The following TAOK1 variants were observed in gnomAD, a reference collection of about 807,000 sequenced individuals.
The protein encoded by TAOK1 is TAO kinase 1.
A neutral mutation model predicts 138.3 loss-of-function variants in TAOK1; 21 were observed. That is an observed-to-expected ratio of 0.15 (90% CI 0.11 to 0.22). The LOEUF (loss-of-function observed/expected upper bound fraction) is 0.22, where lower values mean the gene tolerates loss of function less well. Ranked by LOEUF, TAOK1 falls within the 10% of genes least tolerant of loss-of-function variation. The pLI is 1.00. For missense variants in TAOK1, 651 were observed against 1,227.7 expected, an observed-to-expected ratio of 0.53 and a Z score of 7.02; for synonymous variants, 361 against 398.4, an observed-to-expected ratio of 0.91 and a Z score of 1.12.
Position 29,501,298 on chromosome 17 carries a change from A to C in TAOK1, c.1204-1291A>C, listed in dbSNP as rs200776182. ...ATATGCCTGTGGCCCCATCTACTCA[A>C]GAGGCTGAGTAGTGGAGGCACACTG... is the stretch of plus-strand genomic sequence containing the variant. On this transcript the variant is annotated intron_variant, in intron 12 of 19. Coordinates refer to ENST00000261716, the MANE Select transcript of TAOK1 (RefSeq NM_020791.4). Among the ~76,000 whole-genome samples the C allele has an allele frequency of 5.9e-5, 9 of 151,884 alleles. No individual in the cohort carries two copies. The East Asian group carries it at 1.5e-3, about 26-fold the overall frequency.
chr17:29,415,535 T>C (rs1905247770), intron 1 of TAOK1, among the ~76,000 whole-genome samples: 2 of 152,346 alleles, frequency 1.3e-5, no homozygotes, highest in South Asian at 2.1e-4. Context: ...TTTATAGCCA[T>C]CCTTGAGTGT....
intron 19 of TAOK1, among the ~76,000 whole-genome samples, chr17:29,537,370 AAC>A (rs1299977673): frequency 6.6e-6 from 1 of 152,004 alleles, no homozygotes; most frequent in African/African-American, 2.4e-5. Context: ...TTCAAGTGTC[AAC>A]AGAGACTCAC....
intron 1 of TAOK1, among the ~76,000 whole-genome samples, chr17:29,448,027 T>TTA (rs1190323818): frequency 1.3e-5 from 2 of 150,930 alleles, no homozygotes; most frequent in East Asian, 3.9e-4. Context: ...TATCTTTTTT[T>TTA]TTATTATTTT....
At chr17:29,439,552 C>G (rs1403347039) in intron 1 of TAOK1, among the ~76,000 whole-genome samples, 1 of 152,062 alleles carries the variant, frequency 6.6e-6, no homozygotes, top group Non-Finnish European at 1.5e-5. Flanking sequence ...GGGATTCAGT[C>G]AAAGGCCATA....
At chr17:29,437,872 A>G (rs1906085087) in intron 1 of TAOK1, among the ~76,000 whole-genome samples, 1 of 150,364 alleles carries the variant, frequency 6.7e-6, no homozygotes. Context: ...AGCTGGGATT[A>G]CAGGTGCCCA....
At chr17:29,438,638 C>A (rs1410046150) in intron 1 of TAOK1, among the ~76,000 whole-genome samples, 1 of 152,100 alleles carries the variant, frequency 6.6e-6, no homozygotes, top group East Asian at 1.9e-4. Context: ...GCAGTGAGAT[C>A]GTGGCACTGC....
At chr17:29,536,066 G>T (rs1230777877) in intron 19 of TAOK1, among the ~76,000 whole-genome samples, 1 of 151,326 alleles carries the variant, frequency 6.6e-6, no homozygotes, top group East Asian at 2.0e-4. Context: ...GCCGAGGGTT[G>T]GGGGAGCAGA....
At position 29,498,469 on chromosome 17, in the gene TAOK1, T is replaced by G; in HGVS notation, c.1151T>G (p.Met384Arg). The change falls in exon 12 of 20, where the codon ATG (methionine) becomes AGG (arginine). Residue 384 changes from methionine (M) to arginine (R), a missense_variant. Coordinates refer to ENST00000261716, the MANE Select transcript of TAOK1 (RefSeq NM_020791.4). ...VSDDKSELDM[M>R]EGDHTVMSNS... is the part of the protein sequence containing the mutation. ...GATGACAAGAGTGAGCTAGACATGA[T>G]GGAGGGAGACCACACAGTGATGTCT... is the stretch of plus-strand genomic sequence containing the variant. 6.2e-7 allele frequency: 1 copy of G among 1,614,184 alleles called. No individual in the cohort carries two copies.
intron 11 of TAOK1, 70 bp downstream of exon 11, chr17:29,495,797 T>C: frequency 1.5e-6 from 2 of 1,339,074 alleles, no homozygotes; most frequent in East Asian, 5.2e-5. Context: ...CAGCTTGCCC[T>C]GCCATAATTT....
At chr17:29,415,445 A>G (rs562768814) in intron 1 of TAOK1, among the ~76,000 whole-genome samples, 46 of 152,218 alleles carry the variant, frequency 3.0e-4, no homozygotes, top group Non-Finnish European at 5.9e-4. Context: ...TTGCTGAACC[A>G]TTTTACATTA....
rs542934100 is a variant in TAOK1 at position 29,421,278 on chromosome 17, C to G, written c.-94-30177C>G. Among the ~76,000 whole-genome samples, 171 of 152,314 alleles carry G rather than the reference C, an allele frequency of 1.1e-3. 1 individual carries two copies. The highest frequency in any genetic ancestry group is 2.4e-3 in the Admixed American group (36 of 15,278). ...AGTGAATTATATGGATTGATTTTTA[C>G]TCCTGAGAGGAATCCCACTTGATGA... On this transcript the variant is annotated intron_variant, in intron 1 of 19. Coordinates refer to ENST00000261716, the MANE Select transcript of TAOK1 (RefSeq NM_020791.4).
chr17:29,489,580 T>TAA, intron 8 of TAOK1, 84 bp from the exon 9 acceptor site: 1 of 850,032 alleles, frequency 1.2e-6, no homozygotes. Flanking sequence ...ATAAAATCAT[T>TAA]TAAAAAAAAA....
intron 8 of TAOK1, among the ~76,000 whole-genome samples, chr17:29,485,716 A>G (rs1032750541): frequency 6.6e-6 from 1 of 152,252 alleles, no homozygotes; most frequent in African/African-American, 2.4e-5. Context: ...AGAGGAATAA[A>G]TGAAAATAGT....
At chr17:29,514,192 G>A (rs758728613) in intron 15 of TAOK1, 2 of 152,052 alleles carry the variant, frequency 1.3e-5, no homozygotes, top group Admixed American at 6.6e-5. Context: ...TTCCCATAGC[G>A]TGCATACACA....
At chr17:29,440,446 TG>T (rs1237740048) in intron 1 of TAOK1, among the ~76,000 whole-genome samples, 26 of 152,084 alleles carry the variant, frequency 1.7e-4, no homozygotes, top group Non-Finnish European at 2.9e-5. Context: ...AATGAAAGCA[TG>T]GAAAAGTAGA....
chr17:29,458,597 A>G (rs1275937831), intron 2 of TAOK1, among the ~76,000 whole-genome samples: 1 of 152,242 alleles, frequency 6.6e-6, no homozygotes. Flanking sequence ...TCTGGGTTCA[A>G]GTGATACTCG....
rs189694980 is a variant in TAOK1 at position 29,542,075 on chromosome 17, C to T, written c.2545-486C>T. 3.5e-3 allele frequency among the ~76,000 whole-genome samples: 540 copies of T among 152,158 alleles called. 4 individuals carry two copies. Among genetic ancestry groups the T allele is most frequent in the African/African-American group, 0.013 (520 of 41,548 alleles). Reference sequence around the variant, plus strand: ...TGTATTTTTAGTAGACACAGGGTTTCACCATGTTAGCCAGGATGGTCTCGA... The same window carrying T: ...TGTATTTTTAGTAGACACAGGGTTTTACCATGTTAGCCAGGATGGTCTCGA... On this transcript the variant is annotated intron_variant, in intron 19 of 19. Transcript: ENST00000261716.
chr17:29,394,450 C>A (rs1598461300), intron 1 of TAOK1, among the ~76,000 whole-genome samples: 1 of 152,012 alleles, frequency 6.6e-6, no homozygotes, highest in Non-Finnish European at 1.5e-5. Flanking sequence ...CAGGCTTGAG[C>A]CACCGTGCCC....
intron 6 of TAOK1, among the ~76,000 whole-genome samples, chr17:29,479,600 A>T (rs986351190): frequency 1.3e-5 from 2 of 152,210 alleles, no homozygotes; most frequent in African/African-American, 4.8e-5. Context: ...CATTTAAAAA[A>T]AATCAAATGG....
Sources: allele counts gnomAD v4.1 joint callset (sites outside exome capture counted in the v4.1 genomes callset), GRCh38; gene constraint gnomAD v4.1.1; transcripts MANE v1.5; gene names NCBI Gene and HGNC (gene_info 2026-07-23, HGNC 2026-07-21).